Variants in SHISA9 observed in about 807,000 individuals in gnomAD.
SHISA9 encodes the protein protein shisa-9.
In SHISA9, 13 loss-of-function variants were observed where a neutral mutation model predicts 38.0. The observed-to-expected ratio is 0.34, with a 90% CI of 0.22 to 0.54. The LOEUF (loss-of-function observed/expected upper bound fraction) is 0.54, where lower values mean the gene tolerates loss of function less well. SHISA9 is among the 20% of genes least tolerant of loss of function. The probability of loss-of-function intolerance (pLI) is 0.91; values close to 1 mark genes in which losing one functional copy is unlikely to be tolerated. For missense variants in SHISA9, 538 were observed against 575.8 expected (o/e 0.93, Z 0.67); for synonymous variants, 275 against 242.0 (o/e 1.14, Z -1.27).
intron 2 of SHISA9, among the ~76,000 whole-genome samples, chr16:12,944,844 G>A (rs2071668448): frequency 6.6e-6 from 1 of 152,078 alleles, no homozygotes; most frequent in South Asian, 2.1e-4. Flanking sequence ...AAGGATATGA[G>A]GACAAATAAT....
the SHISA9 span, among the ~76,000 whole-genome samples, chr16:13,296,774 C>T: frequency 6.6e-6 from 1 of 150,912 alleles, no homozygotes; most frequent in Non-Finnish European, 1.5e-5. Context: ...GCCTGTAATC[C>T]CAGCTACTTG....
At chr16:13,463,341 G>T in the SHISA9 span, among the ~76,000 whole-genome samples, 1 of 152,214 alleles carries the variant, frequency 6.6e-6, no homozygotes, top group Non-Finnish European at 1.5e-5. Context: ...ATGTGGGCAG[G>T]AGAGGCAGCG....
chr16:13,192,762 C>G (rs936131393), intron 2 of SHISA9, among the ~76,000 whole-genome samples: 1 of 152,056 alleles, frequency 6.6e-6, no homozygotes. Context: ...GTGGTCCCAG[C>G]TACTTGGGAG....
the SHISA9 span, among the ~76,000 whole-genome samples, chr16:13,456,965 T>C: frequency 1.2e-3 from 189 of 152,388 alleles, no homozygotes; most frequent in Non-Finnish European, 1.9e-3. Context: ...CCTATTCCCT[T>C]GGCTAATGTT....
In SHISA9 at chr16:13,236,169, A is replaced by G. The variant is rs1172270106; in HGVS notation, c.*760A>G. On this transcript the variant is annotated 3_prime_UTR_variant, in exon 5 of 5. Coordinates refer to ENST00000558583, the MANE Select transcript of SHISA9 (RefSeq NM_001145204.3). Reference sequence around the variant, plus strand: ...ACAAAAAACATTTTAGAGAACTCCCATAAGGACCATGACCGTGGAAATGGG... The same window carrying G: ...ACAAAAAACATTTTAGAGAACTCCCGTAAGGACCATGACCGTGGAAATGGG... 1 of 152,252 alleles carries G rather than the reference A, an allele frequency of 6.6e-6. No homozygotes were observed. Among genetic ancestry groups the G allele is most frequent in the Non-Finnish European group, 1.5e-5 (1 of 68,080 alleles). 9.4% of individuals were successfully genotyped at this position (152,252 alleles called of 1,614,324 possible). A position where few individuals can be genotyped will look rare whatever the true frequency, so the allele number is the denominator to read the frequency against.
the SHISA9 span, among the ~76,000 whole-genome samples, chr16:13,340,766 G>T: frequency 6.6e-6 from 1 of 152,106 alleles, no homozygotes; most frequent in African/African-American, 2.4e-5. Context: ...TTTTAGTGCT[G>T]CAGCCACACT....
intron 2 of SHISA9, among the ~76,000 whole-genome samples, chr16:13,181,247 G>T (rs560240986): frequency 1.4e-5 from 2 of 139,052 alleles, no homozygotes; most frequent in Non-Finnish European, 3.1e-5. Context: ...GCCCAAGAAA[G>T]TCTTTCCTAA....
chr16:13,316,532 C>A, the SHISA9 span, among the ~76,000 whole-genome samples: 2 of 152,156 alleles, frequency 1.3e-5, no homozygotes, highest in Non-Finnish European at 2.9e-5. Context: ...TGGAAACCAT[C>A]ATTCCTGATA....
At chr16:13,414,352 T>A in the SHISA9 span, among the ~76,000 whole-genome samples, 1 of 152,146 alleles carries the variant, frequency 6.6e-6, no homozygotes, top group African/African-American at 2.4e-5. Flanking sequence ...TGATTACAAT[T>A]TGTTATTGGT....
chr16:12,946,993 G>T (rs1440589822), intron 2 of SHISA9, among the ~76,000 whole-genome samples: 2 of 152,224 alleles, frequency 1.3e-5, no homozygotes, highest in Non-Finnish European at 2.9e-5. Context: ...TGACTGTATG[G>T]CCTTCAAAGC....
intron 1 of SHISA9, chr16:12,911,778 G>C (rs1596524680): frequency 1.3e-5 from 2 of 152,272 alleles, no homozygotes; most frequent in East Asian, 1.9e-4. Context: ...TCTTGTGCTT[G>C]CATGATCAGT....
At chr16:13,187,328 CTT>C (rs372286181) in intron 2 of SHISA9, among the ~76,000 whole-genome samples, 509 of 90,626 alleles carry the variant, frequency 5.6e-3, no homozygotes, top group South Asian at 0.011. Flanking sequence ...CTTTTCTTTT[CTT>C]TTTTTTTTTT....
At position 13,220,666 on chromosome 16, in the gene SHISA9, G is replaced by GA. The variant is rs537105534; in HGVS notation, c.895+7376dup. 1.5e-4 allele frequency among the ~76,000 whole-genome samples: 22 copies of GA among 150,070 alleles called. 1 individual carries two copies. The highest frequency in any genetic ancestry group is 1.3e-3 in the South Asian group (6 of 4,734). Reference sequence around the variant, plus strand: ...AGACAGACCATGCAATGAATTTCTGGAAAAAAAAAATCTCTATCTATATAG... The same window carrying GA: ...AGACAGACCATGCAATGAATTTCTGGAAAAAAAAAAATCTCTATCTATATAG... On this transcript the variant is annotated intron_variant, in intron 4 of 4. Transcript: ENST00000558583.
chr16:13,265,654 A>G, the SHISA9 span, among the ~76,000 whole-genome samples: 1 of 142,474 alleles, frequency 7.0e-6, no homozygotes, highest in East Asian at 2.1e-4. Context: ...CCTCTCATTC[A>G]TTCAACAAAT....
At chr16:13,200,164 C>T (rs1288787462) in intron 2 of SHISA9, among the ~76,000 whole-genome samples, 4 of 152,084 alleles carry the variant, frequency 2.6e-5, no homozygotes, top group Non-Finnish European at 4.4e-5. Flanking sequence ...CTTGGCATTG[C>T]ACTTTATTTG....
At chr16:13,469,300 GAC>G in the SHISA9 span, among the ~76,000 whole-genome samples, 420 of 73,552 alleles carry the variant, frequency 5.7e-3, 6 homozygotes, top group East Asian at 0.042. Context: ...GAGAAAGAAA[GAC>G]AGAGAGAGAG....
At chr16:13,299,816 T>G in the SHISA9 span, among the ~76,000 whole-genome samples, 1 of 152,180 alleles carries the variant, frequency 6.6e-6, no homozygotes, top group Non-Finnish European at 1.5e-5. Context: ...ATCTTTGCTA[T>G]GCCACTCCCT....
chr16:13,052,150 C>T (rs1460352605), intron 2 of SHISA9, among the ~76,000 whole-genome samples: 1 of 151,914 alleles, frequency 6.6e-6, no homozygotes, highest in Non-Finnish European at 1.5e-5. Flanking sequence ...GTAGAAACCC[C>T]CAGTCATTAA....
the SHISA9 span, among the ~76,000 whole-genome samples, chr16:13,380,993 A>G: frequency 1.1e-4 from 17 of 152,214 alleles, no homozygotes; most frequent in Middle Eastern, 3.4e-3. Flanking sequence ...TGCAAAGGAC[A>G]TGAACTCATC....
Sources: allele counts gnomAD v4.1 joint callset (sites outside exome capture counted in the v4.1 genomes callset), GRCh38; gene constraint gnomAD v4.1.1; transcripts MANE v1.5; gene names NCBI Gene and HGNC (gene_info 2026-07-23, HGNC 2026-07-21).